The following CNTRL variants were observed in gnomAD, a reference collection of about 807,000 sequenced individuals.
CNTRL encodes centriolin.
In CNTRL, 233 loss-of-function variants were observed where a neutral mutation model predicts 303.7. The ratio of observed to expected loss-of-function variants is 0.77; its 90% CI spans 0.69 to 0.86. The LOEUF is 0.86. Ranked by LOEUF, CNTRL falls within the 40% of genes least tolerant of loss-of-function variation. CNTRL has a pLI of 0.00. For synonymous variants in CNTRL, 900 were observed against 922.2 expected, an observed-to-expected ratio of 0.98 and a Z score of 0.44; for missense variants, 2,524 against 2,650.6, an observed-to-expected ratio of 0.95 and a Z score of 1.05.
intron 36 of CNTRL, among the ~76,000 whole-genome samples, chr9:121,166,812 G>A (rs960179923): frequency 6.7e-6 from 1 of 149,954 alleles, no homozygotes; most frequent in East Asian, 2.0e-4. Flanking sequence ...ACCTGAAGTC[G>A]GGAGTTCAAG....
At chr9:121,099,728 C>T (rs2049054852) in intron 7 of CNTRL, among the ~76,000 whole-genome samples, 1 of 152,176 alleles carries the variant, frequency 6.6e-6, no homozygotes, top group Non-Finnish European at 1.5e-5. Flanking sequence ...CCTGACAGAG[C>T]TGAAAACCGT....
intron 15 of CNTRL, among the ~76,000 whole-genome samples, chr9:121,136,377 A>T (rs1885996): frequency 0.68 from 103,070 of 151,882 alleles, 35,691 homozygotes; most frequent in East Asian, 0.96. Flanking sequence ...TGGCATGATG[A>T]CGGCTCACTG....
At chr9:121,149,000 G>A (rs1166926828) in intron 24 of CNTRL, 139 bp downstream of exon 24, 1 of 721,930 alleles carries the variant, frequency 1.4e-6, no homozygotes, top group Non-Finnish European at 2.2e-6. Flanking sequence ...CTTGGCCAGC[G>A]ACCTCTTGTC....
intron 7 of CNTRL, among the ~76,000 whole-genome samples, chr9:121,100,472 C>T (rs983634662): frequency 6.6e-6 from 1 of 152,176 alleles, no homozygotes; most frequent in African/African-American, 2.4e-5. Flanking sequence ...TTGTAAAGAC[C>T]ATCAATGCAA....
intron 28 of CNTRL, 43 bp from the exon 29 acceptor site, chr9:121,157,697 G>A (rs763946244): frequency 6.2e-6 from 10 of 1,607,648 alleles, no homozygotes; most frequent in Admixed American, 1.7e-5. Flanking sequence ...ATAATGCATG[G>A]TAAGTCTACA....
chr9:121,084,546 ATTT>A (rs375734045), intron 2 of CNTRL, among the ~76,000 whole-genome samples: 1 of 145,436 alleles, frequency 6.9e-6, no homozygotes. Context: ...AGAGGATGTC[ATTT>A]TTTTTTTTTT....
At position 121,113,536 on chromosome 9, in the gene CNTRL, C is replaced by T. The variant is rs757001362; in HGVS notation, c.1157C>T (p.Pro386Leu). Residue 386 changes from proline (P) to leucine (L), a missense_variant, in exon 10 of 44, where the codon CCT becomes CTT. Physicochemically the swap from Pro to Leu is moderately conservative, Grantham distance 98. Coordinates refer to ENST00000373855, the MANE Select transcript of CNTRL (RefSeq NM_007018.6). ...ATTGATAAAGCCCCAGATGAAAGCC[C>T]TTACATTGGCAAATCCAGATACAAG... is the stretch of plus-strand genomic sequence containing the variant. ...AEIDKAPDESPYIGKSRYKRN... is the reference protein window; with the variant it reads ...AEIDKAPDESLYIGKSRYKRN... 4 of 1,597,434 alleles carry T rather than the reference C, an allele frequency of 2.5e-6. No homozygotes were observed. The East Asian group carries it at 9.0e-5, about 36-fold the overall frequency.
intron 32 of CNTRL, chr9:121,161,238 G>T: frequency 2.3e-6 from 1 of 431,102 alleles, no homozygotes; most frequent in Non-Finnish European, 4.3e-6. Context: ...AAATAATGGT[G>T]GGTTTTCATT....
chr9:121,098,156 A>G (rs138345627), intron 6 of CNTRL, among the ~76,000 whole-genome samples: 1 of 152,166 alleles, frequency 6.6e-6, no homozygotes, highest in Non-Finnish European at 1.5e-5. Flanking sequence ...TACTTACATG[A>G]TAAGTTGTTG....
At chr9:121,137,641 C>T (rs915121447) in intron 15 of CNTRL, among the ~76,000 whole-genome samples, 11 of 151,994 alleles carry the variant, frequency 7.2e-5, no homozygotes, top group South Asian at 6.2e-4. Flanking sequence ...TCTCGAGTAC[C>T]GAGTTTTGTA....
intron 13 of CNTRL, among the ~76,000 whole-genome samples, chr9:121,124,774 C>CA (rs5900470): frequency 0.41 from 41,461 of 102,028 alleles, 8,053 homozygotes; most frequent in South Asian, 0.64. Flanking sequence ...CCCGTCTCTA[C>CA]AAAAAAAAAA....
chr9:121,094,415 A>G (rs1221188933), intron 4 of CNTRL, among the ~76,000 whole-genome samples: 1 of 152,194 alleles, frequency 6.6e-6, no homozygotes, highest in Non-Finnish European at 1.5e-5. Flanking sequence ...ATCCACTCCC[A>G]AGATAATGGC....
rs778610279 is a variant in CNTRL, at chr9:121,150,314, C to T, written c.3794C>T (p.Pro1265Leu). 2 of 1,614,106 alleles carry T rather than the reference C, an allele frequency of 1.2e-6. No individual in the cohort carries two copies. The highest frequency in any genetic ancestry group is 4.5e-5 in the East Asian group (2 of 44,866). The change falls in exon 25 of 44, where the codon CCA becomes CTA. Residue 1265 changes from proline (P) to leucine (L), a missense_variant. Pro to Leu is a moderately conservative substitution (Grantham distance 98, BLOSUM62 -3). Coordinates refer to ENST00000373855, the MANE Select transcript of CNTRL (RefSeq NM_007018.6). ...PVPQGMALYA[P>L]PPPLPNNSRP... ...CCCCAGGGCATGGCCCTGTATGCAC[C>T]ACCTCCTCCCTTGCCAAACAATAGC...
intron 7 of CNTRL, among the ~76,000 whole-genome samples, chr9:121,105,391 G>T (rs2049417762): frequency 6.6e-6 from 1 of 152,192 alleles, no homozygotes. Flanking sequence ...TAAAAATGAA[G>T]AATTCAGAGT....
At chr9:121,124,140 A>G (rs957947012) in intron 13 of CNTRL, 56 bp downstream of exon 13, 3 of 1,436,314 alleles carry the variant, frequency 2.1e-6, no homozygotes, top group Admixed American at 2.1e-5. Context: ...TAAAAGAAAC[A>G]TTATAAAGAC....
chr9:121,158,142 A>C (rs756155831), intron 30 of CNTRL, 33 bp downstream of exon 30: 9 of 1,608,428 alleles, frequency 5.6e-6, no homozygotes, highest in East Asian at 4.5e-5. Flanking sequence ...AAAACAACTG[A>C]CACAGCACTT....
intron 27 of CNTRL, 135 bp from the exon 28 acceptor site, chr9:121,157,333 TAG>T (rs774865804): frequency 7.3e-5 from 57 of 775,920 alleles, no homozygotes; most frequent in Non-Finnish European, 1.1e-4. Context: ...TACCGAGAAT[TAG>T]AGTTACAGTG....
intron 1 of CNTRL, among the ~76,000 whole-genome samples, chr9:121,078,303 T>G (rs1414635501): frequency 3.3e-5 from 5 of 151,750 alleles, no homozygotes; most frequent in African/African-American, 1.2e-4. Flanking sequence ...AGTTACTCAG[T>G]AGGTTGGGGC....
intron 25 of CNTRL, among the ~76,000 whole-genome samples, chr9:121,151,340 AAT>A (rs1166611946): frequency 6.7e-6 from 1 of 149,138 alleles, no homozygotes; most frequent in Non-Finnish European, 1.5e-5. Flanking sequence ...TCTAAGAAAT[AAT>A]TATTTCCTAA....
Sources: allele counts gnomAD v4.1 joint callset (sites outside exome capture counted in the v4.1 genomes callset), GRCh38; gene constraint gnomAD v4.1.1; transcripts MANE v1.5; gene names NCBI Gene and HGNC (gene_info 2026-07-23, HGNC 2026-07-21).